Variants in APOB observed in about 807,000 individuals in gnomAD.
APOB encodes apolipoprotein B, also known as apolipoprotein B-100.
A neutral mutation model predicts 314.1 loss-of-function variants in APOB; 153 were observed. That is an observed-to-expected ratio of 0.49 (90% CI 0.43 to 0.56). The LOEUF is 0.56. Ranked by LOEUF, APOB falls within the 20% of genes least tolerant of loss-of-function variation. The pLI is 0.00. For synonymous variants in APOB, 2,087 were observed against 2,036.4 expected, an observed-to-expected ratio of 1.02 and a Z score of -0.67; for missense variants, 5,430 against 5,350.7, an observed-to-expected ratio of 1.01 and a Z score of -0.46.
Position 21,015,220 on chromosome 2 carries a change from A to T in APOB, c.3549T>A (p.Asn1183Lys). Residue 1183 changes from asparagine to lysine, a missense_variant, in exon 23 of 29, where the codon AAT becomes AAA. Physicochemically the swap from Asn to Lys is moderately conservative, Grantham distance 94 (BLOSUM62 0). Around this residue, in one of 3 missense-constraint regions of APOB, gnomAD observed 2,085 missense variants for 2,079.7 expected, o/e 1.00. Coordinates refer to ENST00000233242, the MANE Select transcript of APOB (RefSeq NM_000384.3). ...KIEFEWNTGT[N>K]VDTKKMTSNF... ...TGGAAGTCATTTTTTTGGTATCTAC[A>T]TTGGTGCCTGTGTTCCATTCAAATT... 1 of 1,614,220 alleles carries T rather than the reference A, an allele frequency of 6.2e-7. No homozygotes were observed. The highest frequency in any genetic ancestry group is 1.1e-5 in the South Asian group (1 of 91,086).
rs72653083 is a variant in APOB at position 21,012,043 on chromosome 2, A to G, written c.4825T>C (p.Leu1609=). ...RSEYQADYES[L]RFFSLLSGSL... ...CCAGAAAGCAGGCTGAAGAACCTCA[A>G]TGACTCGTAATCAGCCTGATATTCA... The change falls in exon 26 of 29, where the codon TTG becomes CTG. Residue 1609 remains leucine (L), a synonymous_variant. Coordinates refer to ENST00000233242, the MANE Select transcript of APOB (RefSeq NM_000384.3). The G allele has an allele frequency of 3.2e-3, 5,085 of 1,614,220 alleles. 11 individuals are homozygous for G. Among genetic ancestry groups the G allele is most frequent in the Non-Finnish European group, 3.9e-3 (4,577 of 1,180,046 alleles).
chr2:21,037,147 T>C lies in APOB; in HGVS notation c.646A>G (p.Lys216Glu), dbSNP rs1342567409. The C allele has an allele frequency of 4.3e-6, 7 of 1,614,242 alleles. No individual in the cohort carries two copies. Among genetic ancestry groups the C allele is most frequent in the Non-Finnish European group, 5.9e-6 (7 of 1,180,052 alleles). Reference protein sequence around the residue: ...ERDLGQCDRFKPIRTGISPLA... With the variant: ...ERDLGQCDRFEPIRTGISPLA... Reference sequence around the variant, plus strand: ...GGGCTGATGCCTGTGCGGATGGGCTTGAAGCGATCACACTGCCCCAGGTCT... The same window carrying C: ...GGGCTGATGCCTGTGCGGATGGGCTCGAAGCGATCACACTGCCCCAGGTCT... The change falls in exon 6 of 29, where the codon AAG becomes GAG. Residue 216 changes from lysine to glutamate, a missense_variant. Lys to Glu is a moderately conservative substitution (Grantham distance 56). Around this residue, in one of 3 missense-constraint regions of APOB, gnomAD observed 2,085 missense variants for 2,079.7 expected, o/e 1.00. Coordinates refer to ENST00000233242, the MANE Select transcript of APOB (RefSeq NM_000384.3).
In APOB at chr2:21,005,415, G is replaced by A. The variant is rs749178868; in HGVS notation, c.11453C>T (p.Ser3818Phe). The A allele has an allele frequency of 1.2e-6, 2 of 1,613,954 alleles. No homozygotes were observed. Among genetic ancestry groups the A allele is most frequent in the Admixed American group, 1.7e-5 (1 of 59,996 alleles). ...IPFFEITVPE[S>F]QLTVSQFTLP... ...CGTGAACTGGGACACAGTTAACTGAGATTCAGGCACGGTTATCTCAAAAAA... is the reference window on the plus strand; with the variant it reads ...CGTGAACTGGGACACAGTTAACTGAAATTCAGGCACGGTTATCTCAAAAAA... The change falls in exon 26 of 29, where the codon TCT becomes TTT. Residue 3818 changes from serine to phenylalanine, a missense_variant. By Grantham distance (155) the Ser-to-Phe change is radical (BLOSUM62 -2). This residue lies in a region of APOB where 3,281 missense variants were observed against 3,171.0 expected (regional missense o/e 1.03). Transcript: ENST00000233242.
rs760668446 is a variant in APOB at position 21,002,813 on chromosome 2, C to T, written c.12609G>A (p.Gln4203=). ...TGTATATCCCAGGTTTCCCCGGAAA[C>T]TGGAATCTGGGGAAGTTCAGAAAAT... is the stretch of plus-strand genomic sequence containing the variant. ...LIDFLNFPRF[Q]FPGKPGIYTR... is the part of the protein sequence containing the mutation. The change falls in exon 29 of 29, where the codon CAG becomes CAA. Residue 4203 remains glutamine, a synonymous_variant. Transcript: ENST00000233242. 6.2e-7 allele frequency: 1 copy of T among 1,610,836 alleles called. No homozygotes were observed. Among genetic ancestry groups the T allele is most frequent in the African/African-American group, 1.3e-5 (1 of 74,850 alleles).
rs1326727402 is a variant in APOB, at chr2:21,011,738, C to A, written c.5130G>T (p.Leu1710=). The part of the protein sequence containing the change: ...DGKAALTELS[L]GSAYQAMILG... Reference sequence around the variant, plus strand: ...GAATCATGGCCTGATAAGCACTTCCCAGTGATAGCTCTGTGAGGGCGGCTT... The same window carrying A: ...GAATCATGGCCTGATAAGCACTTCCAAGTGATAGCTCTGTGAGGGCGGCTT... The change falls in exon 26 of 29, where the codon CTG becomes CTT. Residue 1710 remains leucine, a synonymous_variant. Coordinates refer to ENST00000233242, the MANE Select transcript of APOB (RefSeq NM_000384.3). 6.2e-7 allele frequency: 1 copy of A among 1,614,104 alleles called. No homozygotes were observed.
intron 6 of APOB, among the ~76,000 whole-genome samples, 178 bp downstream of exon 6, chr2:21,036,922 C>T (rs1664015760): frequency 1.3e-5 from 2 of 152,108 alleles, no homozygotes; most frequent in South Asian, 2.1e-4. Flanking sequence ...TCAACTGATC[C>T]CAGGCCGTGA....
At position 21,002,089 on chromosome 2, in the gene APOB, G is replaced by T. The variant is rs767768628; in HGVS notation, c.13333C>A (p.His4445Asn). The stretch of plus-strand genomic sequence containing the variant: ...CTAAGATATTCCTGAATATTTCTGT[G>T]CAGAAATTGCTCAACTTGACTTGAG... The part of the protein sequence containing the change: ...QLSSQVEQFL[H>N]RNIQEYLSIL... Residue 4445 changes from histidine (H) to asparagine (N), a missense_variant, in exon 29 of 29, where the codon CAC becomes AAC. Physicochemically the swap from His to Asn is moderately conservative, Grantham distance 68 (BLOSUM62 1). Around this residue, in one of 3 missense-constraint regions of APOB, gnomAD observed 3,281 missense variants for 3,171.0 expected, o/e 1.03. Transcript: ENST00000233242. The T allele has an allele frequency of 1.9e-6, 3 of 1,613,890 alleles. No homozygotes were observed. Among genetic ancestry groups the T allele is most frequent in the South Asian group, 2.2e-5 (2 of 91,072 alleles).
intron 13 of APOB, 68 bp downstream of exon 13, chr2:21,028,259 C>T: frequency 7.0e-7 from 1 of 1,428,320 alleles, no homozygotes; most frequent in South Asian, 1.2e-5. Context: ...GTGGCTATGC[C>T]AAAACCTAGG....
rs1402890126 is a variant in APOB, at chr2:21,017,212, A to G, written c.3122-563T>C. 2.0e-5 allele frequency among the ~76,000 whole-genome samples: 3 copies of G among 151,986 alleles called. No homozygotes were observed. The East Asian group carries it at 5.8e-4, about 29-fold the overall frequency. On this transcript the variant is annotated intron_variant, in intron 20 of 28. Coordinates refer to ENST00000233242, the MANE Select transcript of APOB (RefSeq NM_000384.3). ...ATTTTAAACTCAGTTGTGTTCATGTATGCAAGTCTTTATGGATTGCCTGTT... is the reference window on the plus strand; with the variant it reads ...ATTTTAAACTCAGTTGTGTTCATGTGTGCAAGTCTTTATGGATTGCCTGTT...
At chr2:21,005,028 ACT>A (rs1558560321) in intron 26 of APOB, 50 bp downstream of exon 26, 4 of 1,594,768 alleles carry the variant, frequency 2.5e-6, no homozygotes, top group African/African-American at 1.3e-5. Context: ...TTTACTCATA[ACT>A]CTCATTGAAA....
rs1367798781 is a variant in APOB at position 21,006,675 on chromosome 2, G to A, written c.10193C>T (p.Ala3398Val). 3 of 1,614,082 alleles carry A rather than the reference G, an allele frequency of 1.9e-6. No individual in the cohort carries two copies. The highest frequency in any genetic ancestry group is 1.7e-6 in the Non-Finnish European group (2 of 1,179,974). Residue 3398 changes from alanine (A) to valine (V), a missense_variant, in exon 26 of 29, where the codon GCT becomes GTT. Ala to Val is a moderately conservative substitution (Grantham distance 64). Transcript: ENST00000233242. ...CACAAATTTGTTGCTCAGAGACAGA[G>A]CTGTGGCTAACTTCAATCCCCTTTT... Reference protein sequence around the residue: ...TRKRGLKLATALSLSNKFVEG... With the variant: ...TRKRGLKLATVLSLSNKFVEG...
rs1418775778 is a variant in APOB at position 21,006,144 on chromosome 2, C to T, written c.10724G>A (p.Gly3575Asp). Residue 3575 changes from glycine to aspartate, a missense_variant, in exon 26 of 29, where the codon GGC (glycine) becomes GAC (aspartate). By Grantham distance (94) the Gly-to-Asp change is moderately conservative. Coordinates refer to ENST00000233242, the MANE Select transcript of APOB (RefSeq NM_000384.3). ...ATGTTCTCCGTTGGTGAAAAAGAGG[C>T]CCTCTAGCTGTAAGTGGTTTTTCGT... Reference protein sequence around the residue: ...HSTKNHLQLEGLFFTNGEHTS... With the variant: ...HSTKNHLQLEDLFFTNGEHTS... 5 of 1,613,956 alleles carry T rather than the reference C, an allele frequency of 3.1e-6. No homozygotes were observed. The highest frequency in any genetic ancestry group is 1.1e-5 in the South Asian group (1 of 91,072).
At chr2:21,035,003 A>T (rs1408059151) in intron 7 of APOB, 102 bp from the exon 8 acceptor site, 4 of 781,170 alleles carry the variant, frequency 5.1e-6, no homozygotes, top group Non-Finnish European at 9.5e-6. Context: ...AGTCCTGCCC[A>T]TCTTTCAAAG....
At position 21,011,179 on chromosome 2, in the gene APOB, G is replaced by T. The variant is rs189341276; in HGVS notation, c.5689C>A (p.Arg1897Ser). 7 of 1,614,024 alleles carry T rather than the reference G, an allele frequency of 4.3e-6. No individual in the cohort carries two copies. The South Asian group carries it at 6.6e-5, about 15-fold the overall frequency. ...SDSLHFSNVF[R>S]SVMAPFTMTI... ...ATGGTAAACGGGGCCATTACAGAAC[G>T]GAAGACATTGCTGAAATGCAGTGAG... The change falls in exon 26 of 29, where the codon CGT (arginine) becomes AGT (serine). Residue 1897 changes from arginine to serine, a missense_variant. Transcript: ENST00000233242.
chr2:21,009,489 G>A lies in APOB; in HGVS notation c.7379C>T (p.Pro2460Leu). 6.2e-7 allele frequency: 1 copy of A among 1,614,002 alleles called. No individual in the cohort carries two copies. The highest frequency in any genetic ancestry group is 8.5e-7 in the Non-Finnish European group (1 of 1,179,958). The change falls in exon 26 of 29, where the codon CCA (proline) becomes CTA (leucine). Residue 2460 changes from proline to leucine, a missense_variant. By Grantham distance (98) the Pro-to-Leu change is moderately conservative. Transcript: ENST00000233242. ...CAGTTTTAATGCTTCAGCTTTTTGTGGTAGTTCCAGAGCCTGAATTTCACC... is the reference window on the plus strand; with the variant it reads ...CAGTTTTAATGCTTCAGCTTTTTGTAGTAGTTCCAGAGCCTGAATTTCACC... ...LNGEIQALELPQKAEALKLFL... is the reference protein window; with the variant it reads ...LNGEIQALELLQKAEALKLFL...
chr2:21,041,631 A>G (rs1664134678), intron 3 of APOB, among the ~76,000 whole-genome samples: 1 of 152,242 alleles, frequency 6.6e-6, no homozygotes, highest in African/African-American at 2.4e-5. Context: ...GTGCTGTTCA[A>G]TATGGGAGCC....
intron 14 of APOB, 113 bp from the exon 15 acceptor site, chr2:21,027,077 G>A: frequency 1.1e-6 from 1 of 942,204 alleles, no homozygotes; most frequent in Non-Finnish European, 1.7e-6. Flanking sequence ...AATACCACAG[G>A]CCAGGAGCTG....
rs1225631813 is a variant in APOB, at chr2:21,008,571, G to A, written c.8297C>T (p.Ser2766Phe). 53 of 1,614,008 alleles carry A rather than the reference G, an allele frequency of 3.3e-5. No homozygotes were observed. Among genetic ancestry groups the A allele is most frequent in the Admixed American group, 1.8e-4 (11 of 60,002 alleles). The change falls in exon 26 of 29, where the codon TCT (serine) becomes TTT (phenylalanine). Residue 2766 changes from serine (S) to phenylalanine (F), a missense_variant. This residue lies in a region of APOB where 3,281 missense variants were observed against 3,171.0 expected (regional missense o/e 1.03). Coordinates refer to ENST00000233242, the MANE Select transcript of APOB (RefSeq NM_000384.3). ...GKLYSILKIQ[S>F]PLFTLDANAD... ...ATTTGCATCTAATGTGAAAAGAGGAGATTGGATTTTCAGAATACTGTATAG... is the reference window on the plus strand; with the variant it reads ...ATTTGCATCTAATGTGAAAAGAGGAAATTGGATTTTCAGAATACTGTATAG...
chr2:21,029,132 T>C (rs1663815967), intron 12 of APOB, among the ~76,000 whole-genome samples: 1 of 152,142 alleles, frequency 6.6e-6, no homozygotes, highest in Non-Finnish European at 1.5e-5. Context: ...GTCAAGTCAA[T>C]AGGCTTGTTG....
Sources: allele counts gnomAD v4.1 joint callset (sites outside exome capture counted in the v4.1 genomes callset), GRCh38; gene constraint gnomAD v4.1.1; regional missense constraint gnomAD v4.1.1; transcripts MANE v1.5; gene names NCBI Gene and HGNC (gene_info 2026-07-23, HGNC 2026-07-21).